The following SPATA20 variants were observed in gnomAD, a reference collection of about 807,000 sequenced individuals.
SPATA20 encodes spermatogenesis-associated protein 20.
SPATA20 carries 74 observed loss-of-function variants against 98.9 expected under a neutral mutation model. That is an observed-to-expected ratio of 0.75 (90% confidence interval 0.62 to 0.91). SPATA20 has a LOEUF of 0.91. Ranked by LOEUF, SPATA20 falls within the 40% of genes least tolerant of loss-of-function variation. SPATA20 has a pLI of 0.00. For missense variants in SPATA20, 1,016 were observed against 1,069.8 expected (o/e 0.95, Z 0.70); for synonymous variants, 430 against 440.5 (o/e 0.98, Z 0.30).
chr17:50,549,610 T>G, intron 7 of SPATA20, 123 bp downstream of exon 7: 2 of 1,010,754 alleles, frequency 2.0e-6, no homozygotes, highest in South Asian at 1.6e-5. Context: ...GTGACCTCCT[T>G]GCCCCTAGCC....
At position 50,555,517 on chromosome 17, in the gene SPATA20, C is replaced by G; in HGVS notation, c.2264C>G (p.Pro755Arg). 1 of 1,614,038 alleles carries G rather than the reference C, an allele frequency of 6.2e-7. No individual in the cohort carries two copies. The highest frequency in any genetic ancestry group is 8.5e-7 in the Non-Finnish European group (1 of 1,179,988). The change falls in exon 17 of 17, where the codon CCC (proline) becomes CGC (arginine). Residue 755 changes from proline (P) to arginine (R), a missense_variant. By Grantham distance (103) the Pro-to-Arg change is moderately radical (BLOSUM62 -2). Transcript: ENST00000006658. ...NKVLILADGD[P>R]SSFLSRQLPF... Reference sequence around the variant, plus strand: ...GTGCTGATTCTGGCTGATGGGGACCCCTCGAGCTTCCTGTCCCGCCAGCTG... The same window carrying G: ...GTGCTGATTCTGGCTGATGGGGACCGCTCGAGCTTCCTGTCCCGCCAGCTG...
chr17:50,551,757 A>C, intron 13 of SPATA20, 78 bp downstream of exon 13: 1 of 1,463,260 alleles, frequency 6.8e-7, no homozygotes, highest in Non-Finnish European at 9.3e-7. Context: ...TCTCCCCTCC[A>C]TGTGGACTCC....
Position 50,554,390 on chromosome 17 carries a change from C to G in SPATA20, c.2097C>G (p.Val699=). 1 of 1,613,960 alleles carries G rather than the reference C, an allele frequency of 6.2e-7. No individual in the cohort carries two copies. Among genetic ancestry groups the G allele is most frequent in the Non-Finnish European group, 8.5e-7 (1 of 1,180,010 alleles). Residue 699 remains valine (V), a synonymous_variant, in exon 15 of 17, where the codon GTC becomes GTG. Transcript: ENST00000006658. ...LTAFSERMRR[V]PVALPEMVRA... ...CCTTTTCCGAGCGCATGCGTCGTGT[C>G]CCGGTGGCGTTGCCCGAGATGGTCC...
In SPATA20 at chr17:50,548,572, AGCCTTCGACAAG is replaced by A. The variant is rs1392184161; in HGVS notation, c.319_330del (p.Phe107_Ala110del). On this transcript the variant is annotated inframe_deletion, in exon 4 of 17. Transcript: ENST00000006658. ...GGTCTAGGTACCCCTGGGGACAGGA[AGCCTTCGACAAG>A]GCCAGGAAGGAAAACAAGCCGATTT... is the stretch of plus-strand genomic sequence containing the variant. The A allele has an allele frequency of 1.9e-6, 3 of 1,613,538 alleles. No individual in the cohort carries two copies. The highest frequency in any genetic ancestry group is 2.5e-6 in the Non-Finnish European group (3 of 1,179,872).
In SPATA20 at chr17:50,549,395, C is replaced by T. The variant is rs1396897492; in HGVS notation, c.770C>T (p.Ala257Val). 1.2e-6 allele frequency: 2 copies of T among 1,612,668 alleles called. No homozygotes were observed. The highest frequency in any genetic ancestry group is 8.5e-7 in the Non-Finnish European group (1 of 1,179,978). The change falls in exon 7 of 17, where the codon GCC (alanine) becomes GTC (valine). Residue 257 changes from alanine (A) to valine (V), a missense_variant. Physicochemically the swap from Ala to Val is moderately conservative, Grantham distance 64 (BLOSUM62 0). Coordinates refer to ENST00000006658, the MANE Select transcript of SPATA20 (RefSeq NM_022827.4). ...VGDRQLPPSA[A>V]TVNNRCFQQL... ...GACCGCCAGCTGCCGCCCTCTGCCG[C>T]CACCGTGAACAATCGCTGCTTCCAG...
Position 50,550,035 on chromosome 17 carries a change from G to A in SPATA20, c.913G>A (p.Asp305Asn), listed in dbSNP as rs1226359219. The A allele has an allele frequency of 6.3e-7, 1 of 1,595,196 alleles. No individual in the cohort carries two copies. Residue 305 changes from aspartate (D) to asparagine (N), a missense_variant, in exon 8 of 17, where the codon GAT (aspartate) becomes AAT (asparagine). Asp to Asn is a conservative substitution (Grantham distance 23). Coordinates refer to ENST00000006658, the MANE Select transcript of SPATA20 (RefSeq NM_022827.4). ...CTGGCTCAGCCATCGACTGACTCAG[G>A]ATGGCTCTCGGGCCCAGCAGATGGC... ...SYWLSHRLTQ[D>N]GSRAQQMALH...
chr17:50,547,614 C>A, intron 1 of SPATA20, 106 bp from the exon 2 acceptor site: 1 of 755,274 alleles, frequency 1.3e-6, no homozygotes, highest in Non-Finnish European at 2.5e-6. Flanking sequence ...CCAATAGTAC[C>A]CTGTGCCCTG....
intron 12 of SPATA20, 158 bp from the exon 13 acceptor site, chr17:50,551,353 C>G (rs1447372167): frequency 6.0e-6 from 7 of 1,166,446 alleles, no homozygotes; most frequent in Non-Finnish European, 8.3e-6. Flanking sequence ...CAAGGTCACG[C>G]GCAAGGGCTG....
intron 4 of SPATA20, 71 bp downstream of exon 4, chr17:50,548,689 G>C (rs780834931): frequency 3.1e-6 from 5 of 1,588,826 alleles, no homozygotes; most frequent in Admixed American, 1.7e-5. Flanking sequence ...GGGTCCTCTC[G>C]GCCTGGCGGG....
In SPATA20 at chr17:50,550,589, G is replaced by A; in HGVS notation, c.1152G>A (p.Val384=). The stretch of plus-strand genomic sequence containing the variant: ...TGGCCAAAGGCATCCTGCAGTACGT[G>A]GCTCGGAGCCTGAGCCACCGGGTGT... ...SDVAKGILQY[V]ARSLSHRSGG... is the part of the protein sequence containing the mutation. The change falls in exon 10 of 17, where the codon GTG becomes GTA. Residue 384 remains valine, a synonymous_variant. Coordinates refer to ENST00000006658, the MANE Select transcript of SPATA20 (RefSeq NM_022827.4). 1 of 1,614,148 alleles carries A rather than the reference G, an allele frequency of 6.2e-7. No homozygotes were observed. The highest frequency in any genetic ancestry group is 8.5e-7 in the Non-Finnish European group (1 of 1,180,034).
Position 50,548,547 on chromosome 17 carries a change from G to A in SPATA20, c.297-7G>A. 9.9e-6 allele frequency: 16 copies of A among 1,613,652 alleles called. No individual in the cohort carries two copies. The highest frequency in any genetic ancestry group is 1.3e-5 in the Non-Finnish European group (15 of 1,179,810). ...TACTGAGTGATGCCCCACCCTGCTG[G>A]GTCTAGGTACCCCTGGGGACAGGAA... On this transcript the variant is annotated splice_polypyrimidine_tract_variant and splice_region_variant and intron_variant, in intron 3 of 16. Transcript: ENST00000006658.
chr17:50,554,992 C>T (rs1311124412), intron 15 of SPATA20, among the ~76,000 whole-genome samples: 1 of 151,314 alleles, frequency 6.6e-6, no homozygotes, highest in Non-Finnish European at 1.5e-5. Flanking sequence ...GTGTGTCTCC[C>T]CATGTTTGTA....
chr17:50,548,757 C>G (rs1321200432), intron 4 of SPATA20, 53 bp from the exon 5 acceptor site: 1 of 1,595,900 alleles, frequency 6.3e-7, no homozygotes, highest in African/African-American at 1.3e-5. Context: ...ACTTGGCCAG[C>G]CTCCCTCTGA....
At position 50,551,067 on chromosome 17, in the gene SPATA20, C is replaced by T. The variant is rs776885982; in HGVS notation, c.1453C>T (p.Arg485Cys). 5.6e-6 allele frequency: 9 copies of T among 1,613,284 alleles called. No individual in the cohort carries two copies. The highest frequency in any genetic ancestry group is 6.8e-6 in the Non-Finnish European group (8 of 1,180,026). ...VRYSLELTAARFGLDVEAVRT... is the reference protein window; with the variant it reads ...VRYSLELTAACFGLDVEAVRT... ...GTACTCGCTGGAGCTGACTGCTGCCCGCTTTGGCTTGGATGTGGAGGCCGT... is the reference window on the plus strand; with the variant it reads ...GTACTCGCTGGAGCTGACTGCTGCCTGCTTTGGCTTGGATGTGGAGGCCGT... Residue 485 changes from arginine (R) to cysteine (C), a missense_variant, in exon 12 of 17, where the codon CGC becomes TGC. Arg to Cys is a radical substitution (Grantham distance 180, BLOSUM62 -3). Transcript: ENST00000006658.
At position 50,552,077 on chromosome 17, in the gene SPATA20, G is replaced by A; in HGVS notation, c.1854G>A (p.Arg618=). The A allele has an allele frequency of 1.2e-6, 2 of 1,613,882 alleles. No homozygotes were observed. Among genetic ancestry groups the A allele is most frequent in the Middle Eastern group, 1.6e-4 (1 of 6,062 alleles). Residue 618 remains arginine, a synonymous_variant, in exon 14 of 17, where the codon CGG becomes CGA. Coordinates refer to ENST00000006658, the MANE Select transcript of SPATA20 (RefSeq NM_022827.4). ...GTGCGTGGCTCGAGTGGGCTCTGCG[G>A]CTGCAGGACACACAGGACAAGCTCT... is the stretch of plus-strand genomic sequence containing the variant. ...QESAWLEWAL[R]LQDTQDKLFW...
At position 50,549,471 on chromosome 17, in the gene SPATA20, C is replaced by T; in HGVS notation, c.846C>T (p.Pro282=). The change falls in exon 7 of 17, where the codon CCC becomes CCT. Residue 282 remains proline, a synonymous_variant. Transcript: ENST00000006658. ...AATACGGTGGCTTCGCTGAGGCCCC[C>T]AAGTTTCCCACGCCGGGTCAGTGCC... ...DEEYGGFAEA[P]KFPTPVILSF... is the part of the protein sequence containing the mutation. The T allele has an allele frequency of 6.2e-7, 1 of 1,611,948 alleles. No homozygotes were observed. Among genetic ancestry groups the T allele is most frequent in the Non-Finnish European group, 8.5e-7 (1 of 1,179,848 alleles).
Position 50,555,607 on chromosome 17 carries a change from C to G in SPATA20, c.2354C>G (p.Ala785Gly). 6.2e-7 allele frequency: 1 copy of G among 1,614,092 alleles called. No individual in the cohort carries two copies. Among genetic ancestry groups the G allele is most frequent in the Non-Finnish European group, 8.5e-7 (1 of 1,179,988 alleles). The change falls in exon 17 of 17, where the codon GCC becomes GGC. Residue 785 changes from alanine to glycine, a missense_variant. By Grantham distance (60) the Ala-to-Gly change is moderately conservative. Coordinates refer to ENST00000006658, the MANE Select transcript of SPATA20 (RefSeq NM_022827.4). ...ACTGCATATGTGTGTGAGAATCAAG[C>G]CTGCTCAGTGCCCATCACTGATCCC... Reference protein sequence around the residue: ...QATAYVCENQACSVPITDPCE... With the variant: ...QATAYVCENQGCSVPITDPCE...
At chr17:50,554,600 C>A in intron 15 of SPATA20, 150 bp downstream of exon 15, 1 of 755,622 alleles carries the variant, frequency 1.3e-6, no homozygotes, top group South Asian at 1.6e-5. Flanking sequence ...GACAGGGAGG[C>A]AGAAGTTAAT....
At chr17:50,548,718 G>A in intron 4 of SPATA20, 92 bp from the exon 5 acceptor site, 1 of 1,588,282 alleles carries the variant, frequency 6.3e-7, no homozygotes. Flanking sequence ...GAGACTAGAG[G>A]CCAGGACGTC....
Sources: allele counts gnomAD v4.1 joint callset (sites outside exome capture counted in the v4.1 genomes callset), GRCh38; gene constraint gnomAD v4.1.1; transcripts MANE v1.5; gene names NCBI Gene and HGNC (gene_info 2026-07-23, HGNC 2026-07-21).